Variants in TLN2 observed in about 807,000 individuals in gnomAD.
The protein encoded by TLN2 is talin 2, also known as talin-2.
TLN2 carries 118 observed loss-of-function variants against 294.7 expected under a neutral mutation model. The ratio of observed to expected loss-of-function variants is 0.40; its 90% confidence interval spans 0.34 to 0.47. The LOEUF (loss-of-function observed/expected upper bound fraction) is 0.47, where lower values mean the gene tolerates loss of function less well. Among genes scored for constraint, TLN2 ranks in the 20% least tolerant of loss-of-function variants. The pLI is 0.84. For synonymous variants in TLN2, 1,431 were observed against 1,304.5 expected (o/e 1.10, Z -2.09); for missense variants, 3,083 against 3,282.2 (o/e 0.94, Z 1.48).
At chr15:62,685,292 T>C (rs2057185849) in intron 11 of TLN2, among the ~76,000 whole-genome samples, 1 of 152,168 alleles carries the variant, frequency 6.6e-6, no homozygotes, top group South Asian at 2.1e-4. Flanking sequence ...GGGTAATCTG[T>C]TATCTGGATA....
In TLN2 at chr15:62,702,180, G is replaced by C. The variant is rs141499254; in HGVS notation, c.1885G>C (p.Val629Leu). The C allele has an allele frequency of 3.7e-6, 6 of 1,604,266 alleles. No homozygotes were observed. Among genetic ancestry groups the C allele is most frequent in the Non-Finnish European group, 5.1e-6 (6 of 1,174,814 alleles). ...AGAVSDLLKA[V>L]QPTSGEPRQT... ...GGCGGTGTCAGACTTGCTGAAAGCT[G>C]TGCAGCCTACTTCTGGAGAGGTAAG... The change falls in exon 18 of 59, where the codon GTG becomes CTG. Residue 629 changes from valine to leucine, a missense_variant. Physicochemically the swap from Val to Leu is conservative, Grantham distance 32. Coordinates refer to ENST00000636159, the MANE Select transcript of TLN2 (RefSeq NM_015059.3).
intron 1 of TLN2, among the ~76,000 whole-genome samples, chr15:62,411,499 C>T (rs2033778453): frequency 6.9e-6 from 1 of 144,228 alleles, no homozygotes; most frequent in South Asian, 2.2e-4. Context: ...CTGCATTGGC[C>T]CTTGTAGGCA....
chr15:62,733,649 A>C (rs1375939045), intron 28 of TLN2, among the ~76,000 whole-genome samples: 2 of 152,228 alleles, frequency 1.3e-5, no homozygotes, highest in Admixed American at 6.5e-5. Context: ...ATCCACATGA[A>C]TTCTGGTGAA....
intron 11 of TLN2, 121 bp from the exon 12 acceptor site, chr15:62,686,520 A>G (rs757765875): frequency 1.7e-6 from 2 of 1,212,070 alleles, no homozygotes; most frequent in South Asian, 1.7e-5. Context: ...TGGTTTCCCT[A>G]TAGCCCTACC....
At chr15:62,614,161 T>A (rs1330326743) in intron 2 of TLN2, among the ~76,000 whole-genome samples, 1 of 152,206 alleles carries the variant, frequency 6.6e-6, no homozygotes, top group Non-Finnish European at 1.5e-5. Flanking sequence ...AAAATCAGGC[T>A]TACTGTACAA....
intron 1 of TLN2, among the ~76,000 whole-genome samples, chr15:62,393,405 C>G (rs1566937978): frequency 6.6e-6 from 1 of 152,142 alleles, no homozygotes; most frequent in Non-Finnish European, 1.5e-5. Context: ...CAGGTTTTTC[C>G]AAACACTGTT....
At position 62,652,124 on chromosome 15, in the gene TLN2, T is replaced by C; in HGVS notation, c.354T>C (p.Cys118=). 2 of 1,598,736 alleles carry C rather than the reference T, an allele frequency of 1.3e-6. No homozygotes were observed. Among genetic ancestry groups the C allele is most frequent in the South Asian group, 2.3e-5 (2 of 87,880 alleles). Residue 118 remains cysteine, a synonymous_variant, in exon 6 of 59, where the codon TGT becomes TGC. Transcript: ENST00000636159. ...TGGGGGAGCTCCTGGTCACTATTTGTAGCAGAATAGGTGAGCATTCATACA... is the reference window on the plus strand; with the variant it reads ...TGGGGGAGCTCCTGGTCACTATTTGCAGCAGAATAGGTGAGCATTCATACA... The part of the protein sequence containing the change: ...KTVGELLVTI[C]SRIGITNYEE...
chr15:62,754,105 G>A, intron 36 of TLN2, 189 bp downstream of exon 36: 2 of 796,866 alleles, frequency 2.5e-6, no homozygotes, highest in Admixed American at 3.9e-5. Context: ...CTGGAAATTT[G>A]TAAGTGCCTT....
chr15:62,763,690 G>A lies in TLN2; in HGVS notation c.5089G>A (p.Val1697Met), dbSNP rs1435481083. 5 of 1,604,806 alleles carry A rather than the reference G, an allele frequency of 3.1e-6. No homozygotes were observed. The highest frequency in any genetic ancestry group is 1.7e-5 in the Admixed American group (1 of 59,224). The change falls in exon 40 of 59, where the codon GTG becomes ATG. Residue 1697 changes from valine to methionine, a missense_variant. Val to Met is a conservative substitution (Grantham distance 21, BLOSUM62 1). Transcript: ENST00000636159. ...QSLATRDDIS[V>M]EALQEQLTSV... ...CCTGGCCACGAGGGACGACATCTCT[G>A]TGGAGGTAAGCTGGGAATCTGGGGG...
At chr15:62,567,896 C>T (rs901324612) in intron 1 of TLN2, among the ~76,000 whole-genome samples, 1 of 151,996 alleles carries the variant, frequency 6.6e-6, no homozygotes, top group Non-Finnish European at 1.5e-5. Flanking sequence ...GCTTGTGGCA[C>T]ATCATGAACT....
intron 1 of TLN2, among the ~76,000 whole-genome samples, chr15:62,547,900 G>C (rs868828798): frequency 2.3e-4 from 35 of 152,302 alleles, no homozygotes; most frequent in Middle Eastern, 3.4e-3. Flanking sequence ...ATTGCTATGT[G>C]AATTAAGAAG....
At chr15:62,757,582 G>T (rs2062369538) in intron 37 of TLN2, among the ~76,000 whole-genome samples, 1 of 152,122 alleles carries the variant, frequency 6.6e-6, no homozygotes, top group African/African-American at 2.4e-5. Flanking sequence ...TCTATATAAA[G>T]CATCTCTGTT....
At chr15:62,816,041 C>A (rs928040232) in intron 52 of TLN2, among the ~76,000 whole-genome samples, 1 of 152,166 alleles carries the variant, frequency 6.6e-6, no homozygotes, top group African/African-American at 2.4e-5. Flanking sequence ...AGGTTGATCC[C>A]CAAACTGTTA....
chr15:62,602,359 C>T (rs1258046646), intron 2 of TLN2, among the ~76,000 whole-genome samples: 2 of 152,172 alleles, frequency 1.3e-5, no homozygotes, highest in African/African-American at 4.8e-5. Context: ...AATAGGACTT[C>T]TCTCTGTGAT....
chr15:62,724,023 C>G (rs1357252424), intron 26 of TLN2, among the ~76,000 whole-genome samples: 1 of 152,056 alleles, frequency 6.6e-6, no homozygotes, highest in African/African-American at 2.4e-5. Flanking sequence ...TGGTGCATGC[C>G]TGTAGTTCCA....
At chr15:62,783,962 A>G in intron 45 of TLN2, 72 bp downstream of exon 45, 4 of 1,593,430 alleles carry the variant, frequency 2.5e-6, no homozygotes, top group Non-Finnish European at 3.4e-6. Flanking sequence ...ATTTCTTCAT[A>G]GCTTAGCTCC....
intron 2 of TLN2, among the ~76,000 whole-genome samples, chr15:62,616,784 C>G (rs1458179499): frequency 6.6e-6 from 1 of 152,176 alleles, no homozygotes; most frequent in Non-Finnish European, 1.5e-5. Flanking sequence ...TCAACCTTTA[C>G]TTTAAAAAAG....
chr15:62,818,110 T>G (rs1171791931), intron 52 of TLN2, among the ~76,000 whole-genome samples: 1 of 152,092 alleles, frequency 6.6e-6, no homozygotes, highest in East Asian at 1.9e-4. Flanking sequence ...GCGCCCAGCC[T>G]CCGTTTGATC....
At chr15:62,603,409 C>T (rs970328653) in intron 2 of TLN2, among the ~76,000 whole-genome samples, 1 of 151,950 alleles carries the variant, frequency 6.6e-6, no homozygotes, top group Non-Finnish European at 1.5e-5. Flanking sequence ...CATTTAATTT[C>T]CCCTAATTCT....
Sources: allele counts gnomAD v4.1 joint callset (sites outside exome capture counted in the v4.1 genomes callset), GRCh38; gene constraint gnomAD v4.1.1; transcripts MANE v1.5; gene names NCBI Gene and HGNC (gene_info 2026-07-23, HGNC 2026-07-21).